Variants in MON2 observed in about 807,000 individuals in gnomAD.
The protein encoded by MON2 is protein MON2 homolog.
In MON2, 84 loss-of-function variants were observed where a neutral mutation model predicts 208.6. The observed-to-expected ratio is 0.40, with a 90% CI of 0.34 to 0.48. The LOEUF (loss-of-function observed/expected upper bound fraction) is 0.48, where lower values mean the gene tolerates loss of function less well. Ranked by LOEUF, MON2 falls within the 20% of genes least tolerant of loss-of-function variation. MON2 has a pLI of 0.59. For synonymous variants in MON2, 660 were observed against 694.0 expected, an observed-to-expected ratio of 0.95 and a Z score of 0.77; for missense variants, 1,611 against 2,015.4, an observed-to-expected ratio of 0.80 and a Z score of 3.84.
rs185863844 is a variant in MON2 at position 62,481,400 on chromosome 12, C to T, written c.112-2770C>T. Among the ~76,000 whole-genome samples, 33 of 151,736 alleles carry T rather than the reference C, an allele frequency of 2.2e-4. No individual in the cohort carries two copies. In the East Asian group the frequency reaches 6.0e-3, roughly 28 times the overall value. ...AATTAGCTGGGTGTGGTGGCGGGTG[C>T]CTGTAGTCCCAGCTGCTCAGGAGGC... On this transcript the variant is annotated intron_variant, in intron 1 of 34. Coordinates refer to ENST00000393630, the MANE Select transcript of MON2 (RefSeq NM_015026.3).
chr12:62,522,202 G>A (rs1285927770), intron 8 of MON2, among the ~76,000 whole-genome samples: 1 of 151,854 alleles, frequency 6.6e-6, no homozygotes, highest in African/African-American at 2.4e-5. Flanking sequence ...AAAAAAAAAA[G>A]AGGCTAGCAT....
rs768389752 is a variant in MON2, at chr12:62,585,407, C to T, written c.4813C>T (p.Arg1605Ter). The change falls in exon 33 of 35, where the codon CGA (arginine) becomes TGA (stop). Residue 1605 changes from arginine (R) to a stop codon, truncating the protein, a stop_gained. Coordinates refer to ENST00000393630, the MANE Select transcript of MON2 (RefSeq NM_015026.3). LOFTEE classifies it high-confidence loss of function. The stretch of plus-strand genomic sequence containing the variant: ...AACACCTCAAGAAGGCTACATCTCA[C>T]GAATGGCACTCTCAGTGCTTTTAAA... ...VTTPQEGYIS[R>*]MALSVLLKRS... 1.9e-6 allele frequency: 3 copies of T among 1,613,502 alleles called. No homozygotes were observed. The highest frequency in any genetic ancestry group is 2.5e-6 in the Non-Finnish European group (3 of 1,179,610).
rs533735528 is a variant in MON2, at chr12:62,504,402, G to A, written c.789+2704G>A. Among the ~76,000 whole-genome samples the A allele has an allele frequency of 1.8e-4, 27 of 151,646 alleles. No individual in the cohort carries two copies. In the South Asian group the frequency reaches 4.4e-3, roughly 25 times the overall value. On this transcript the variant is annotated intron_variant, in intron 7 of 34. Transcript: ENST00000393630. ...TGGGACCACAGGTGCCCGCCACCACGCCCGGCTAATTTTTTGTATTTTTTT... is the reference window on the plus strand; with the variant it reads ...TGGGACCACAGGTGCCCGCCACCACACCCGGCTAATTTTTTGTATTTTTTT...
At chr12:62,473,427 T>C (rs867799614) in intron 1 of MON2, among the ~76,000 whole-genome samples, 1 of 152,370 alleles carries the variant, frequency 6.6e-6, no homozygotes, top group African/African-American at 2.4e-5. Context: ...TTTCTTGTTT[T>C]TGTTATTGTT....
At chr12:62,528,710 A>G (rs191933642) in intron 11 of MON2, among the ~76,000 whole-genome samples, 53 of 152,330 alleles carry the variant, frequency 3.5e-4, no homozygotes, top group Non-Finnish European at 6.2e-4. Context: ...AATAGATCAC[A>G]TATTCTTTGA....
intron 3 of MON2, 62 bp from the exon 4 acceptor site, chr12:62,494,954 A>T: frequency 7.9e-7 from 1 of 1,273,236 alleles, no homozygotes. Context: ...ACCTTCTCTT[A>T]TTTAGGGACA....
intron 29 of MON2, among the ~76,000 whole-genome samples, chr12:62,570,502 G>T (rs201861559): frequency 1.3e-5 from 2 of 152,144 alleles, no homozygotes; most frequent in East Asian, 1.9e-4. Flanking sequence ...ACCGAGATAC[G>T]TTCTGAGAGA....
In MON2 at chr12:62,563,715, ATGTTT is replaced by A. The variant is rs1338514756; in HGVS notation, c.4033-1520_4033-1516del. On this transcript the variant is annotated intron_variant, in intron 26 of 34. Coordinates refer to ENST00000393630, the MANE Select transcript of MON2 (RefSeq NM_015026.3). ...ATATATCAACTATAACACTATTAGT[ATGTTT>A]TCTTATCATAAAGGACCATTGAAAA... Among the ~76,000 whole-genome samples the A allele has an allele frequency of 2.0e-5, 3 of 152,162 alleles. No individual in the cohort carries two copies. In the East Asian group the frequency reaches 5.8e-4, roughly 29 times the overall value.
intron 12 of MON2, among the ~76,000 whole-genome samples, chr12:62,533,554 C>G (rs1191571352): frequency 1.3e-5 from 2 of 152,142 alleles, no homozygotes; most frequent in African/African-American, 4.8e-5. Context: ...ACCCGTGTGT[C>G]CTTTGGACAT....
intron 11 of MON2, 30 bp from the exon 12 acceptor site, chr12:62,532,408 A>G: frequency 6.8e-7 from 1 of 1,476,618 alleles, no homozygotes; most frequent in Non-Finnish European, 9.5e-7. Context: ...GTGGCTTCTC[A>G]TTAGTATTCT....
chr12:62,583,826 G>A (rs1034045415), intron 32 of MON2, among the ~76,000 whole-genome samples: 2 of 150,874 alleles, frequency 1.3e-5, no homozygotes, highest in Admixed American at 6.6e-5. Flanking sequence ...CAGGTGTGGT[G>A]GTGCGTGCCT....
Position 62,560,966 on chromosome 12 carries a change from C to T in MON2, c.3885C>T (p.Asp1295=), listed in dbSNP as rs2074176269. 1 of 1,613,974 alleles carries T rather than the reference C, an allele frequency of 6.2e-7. No individual in the cohort carries two copies. The highest frequency in any genetic ancestry group is 8.5e-7 in the Non-Finnish European group (1 of 1,179,908). Reference sequence around the variant, plus strand: ...TAAAAACTGGTTTCAATATGGATGACTTGCAAAAGTTGGGAGTCATATTGC... The same window carrying T: ...TAAAAACTGGTTTCAATATGGATGATTTGCAAAAGTTGGGAGTCATATTGC... The part of the protein sequence containing the change: ...QHIKTGFNMD[D]LQKLGVILHS... Residue 1295 remains aspartate (D), a synonymous_variant, in exon 26 of 35, where the codon GAC becomes GAT. Transcript: ENST00000393630.
In MON2 at chr12:62,566,084, A is replaced by T. The variant is rs1200195825; in HGVS notation, c.4194+53A>T. The T allele has an allele frequency of 1.1e-5, 17 of 1,550,616 alleles. No homozygotes were observed. The East Asian group carries it at 3.4e-4, about 31-fold the overall frequency. On this transcript the variant is annotated intron_variant, in intron 28 of 34. Coordinates refer to ENST00000393630, the MANE Select transcript of MON2 (RefSeq NM_015026.3). ...AACCTCTTGGCAACAAATAAAGTAC[A>T]TCTTTCCCGGTTCTTGGTAGAATGC... is the stretch of plus-strand genomic sequence containing the variant.
intron 8 of MON2, among the ~76,000 whole-genome samples, chr12:62,513,486 A>G (rs2071519149): frequency 1.3e-5 from 2 of 151,640 alleles, no homozygotes; most frequent in African/African-American, 4.8e-5. Flanking sequence ...TCGGCCTCCC[A>G]AAGTGCTGGG....
intron 19 of MON2, among the ~76,000 whole-genome samples, chr12:62,542,681 G>A (rs1304832769): frequency 6.6e-6 from 1 of 152,132 alleles, no homozygotes; most frequent in African/African-American, 2.4e-5. Context: ...CCTGATCTCT[G>A]CTATAGTCTT....
chr12:62,521,314 A>T (rs2072028848), intron 8 of MON2, among the ~76,000 whole-genome samples: 1 of 152,142 alleles, frequency 6.6e-6, no homozygotes, highest in African/African-American at 2.4e-5. Flanking sequence ...CGGCCCGTTT[A>T]TTATGGTTCT....
In MON2 at chr12:62,525,107, T is replaced by C; in HGVS notation, c.1133T>C (p.Met378Thr). Reference protein sequence around the residue: ...LLRSFCQSYDMKQHSTKVFRD... With the variant: ...LLRSFCQSYDTKQHSTKVFRD... ...AGGTCATTTTGTCAGTCCTATGATATGAAACAGCATTCTACCAAGGTTTTT... is the reference window on the plus strand; with the variant it reads ...AGGTCATTTTGTCAGTCCTATGATACGAAACAGCATTCTACCAAGGTTTTT... Residue 378 changes from methionine to threonine, a missense_variant, in exon 10 of 35, where the codon ATG becomes ACG. Met to Thr is a moderately conservative substitution (Grantham distance 81, BLOSUM62 -1). Transcript: ENST00000393630. 1 of 1,611,054 alleles carries C rather than the reference T, an allele frequency of 6.2e-7. No homozygotes were observed. Among genetic ancestry groups the C allele is most frequent in the Non-Finnish European group, 8.5e-7 (1 of 1,177,342 alleles).
rs1005437804 is a variant in MON2 at position 62,498,937 on chromosome 12, C to T, written c.454C>T (p.Arg152Ter). The T allele has an allele frequency of 4.4e-6, 7 of 1,603,034 alleles. No homozygotes were observed. Among genetic ancestry groups the T allele is most frequent in the Non-Finnish European group, 6.0e-6 (7 of 1,175,734 alleles). Residue 152 changes from arginine to a stop codon, truncating the protein, a stop_gained, in exon 5 of 35, where the codon CGA becomes TGA. Transcript: ENST00000393630. LOFTEE classifies it high-confidence loss of function. ...TTTTCAGGCAATCGTTCTTTGTTTT[C>T]GACTACACTTCACAAAAGATAATAT... is the stretch of plus-strand genomic sequence containing the variant. ...ALSKAIVLCF[R>*]LHFTKDNITN...
chr12:62,524,503 A>T lies in MON2; in HGVS notation c.985-12A>T, dbSNP rs776478642. ...ATTCAAAGAAATAGTATTAAAAATCATATATTTTTAGGTAACTGAATGTGA... is the reference window on the plus strand; with the variant it reads ...ATTCAAAGAAATAGTATTAAAAATCTTATATTTTTAGGTAACTGAATGTGA... On this transcript the variant is annotated splice_polypyrimidine_tract_variant and intron_variant, in intron 8 of 34. Coordinates refer to ENST00000393630, the MANE Select transcript of MON2 (RefSeq NM_015026.3). 1.3e-6 allele frequency: 2 copies of T among 1,588,868 alleles called. No homozygotes were observed. Among genetic ancestry groups the T allele is most frequent in the South Asian group, 2.2e-5 (2 of 90,240 alleles).
Sources: gnomAD v4.1 joint callset for allele counts (sites outside exome capture counted in the v4.1 genomes callset) on GRCh38, gnomAD v4.1.1 for gene constraint, MANE v1.5 for transcripts, NCBI Gene and HGNC (gene_info 2026-07-23, HGNC 2026-07-21) for gene names.